The following PARD3 variants were observed in gnomAD, a reference collection of about 807,000 sequenced individuals.
The protein encoded by PARD3 is par-3 family cell polarity regulator, also known as partitioning defective 3 homolog.
A neutral mutation model predicts 155.4 loss-of-function variants in PARD3; 75 were observed. The ratio of observed to expected loss-of-function variants is 0.48; its 90% CI spans 0.40 to 0.58. PARD3 has a LOEUF of 0.58. Among genes scored for constraint, PARD3 ranks in the 20% least tolerant of loss-of-function variants. The probability of loss-of-function intolerance (pLI) is 0.00; values close to 1 mark genes in which losing one functional copy is unlikely to be tolerated. For synonymous variants in PARD3, 576 were observed against 610.5 expected (o/e 0.94, Z 0.83); for missense variants, 1,642 against 1,721.7 (o/e 0.95, Z 0.82).
chr10:34,255,934 A>G (rs1375940612), intron 22 of PARD3, among the ~76,000 whole-genome samples: 1 of 152,210 alleles, frequency 6.6e-6, no homozygotes, highest in Non-Finnish European at 1.5e-5. Context: ...TTTGAGGGGA[A>G]CTTAGAATAA....
At chr10:34,562,976 G>A (rs941526777) in intron 2 of PARD3, among the ~76,000 whole-genome samples, 1 of 152,004 alleles carries the variant, frequency 6.6e-6, no homozygotes. Context: ...TACCTTTGTT[G>A]CCTAGACTGG....
chr10:34,565,799 T>G (rs1030147146), intron 2 of PARD3, among the ~76,000 whole-genome samples: 10 of 152,172 alleles, frequency 6.6e-5, no homozygotes, highest in African/African-American at 1.9e-4. Flanking sequence ...CAGGTTATTT[T>G]TGAGGGGAGG....
intron 2 of PARD3, among the ~76,000 whole-genome samples, chr10:34,642,146 G>A (rs1456310255): frequency 6.8e-6 from 1 of 146,506 alleles, no homozygotes; most frequent in Non-Finnish European, 1.5e-5. Flanking sequence ...TGGGATCCCC[G>A]CCCACCCAAG....
chr10:34,355,951 ACAAAACCAAAC>A (rs1428555227), intron 14 of PARD3, among the ~76,000 whole-genome samples: 43 of 127,754 alleles, frequency 3.4e-4, no homozygotes, highest in African/African-American at 1.1e-3. Context: ...AAAAAACAAA[ACAAAACCAAAC>A]AAAAAAACAG....
At chr10:34,257,948 C>T (rs1229266775) in intron 22 of PARD3, among the ~76,000 whole-genome samples, 2 of 152,142 alleles carry the variant, frequency 1.3e-5, no homozygotes, top group Non-Finnish European at 2.9e-5. Flanking sequence ...ATGGTGATTG[C>T]TTGTTTTTAA....
chr10:34,277,163 A>AG (rs1279652637), intron 21 of PARD3, among the ~76,000 whole-genome samples: 3 of 152,188 alleles, frequency 2.0e-5, no homozygotes, highest in African/African-American at 7.2e-5. Flanking sequence ...TCAGTATTAC[A>AG]GAAATTGATC....
chr10:34,487,987 A>G (rs1345940825), intron 3 of PARD3, among the ~76,000 whole-genome samples: 1 of 152,212 alleles, frequency 6.6e-6, no homozygotes, highest in Admixed American at 6.5e-5. Context: ...GTAACTGTCA[A>G]GCATTATTCC....
intron 2 of PARD3, among the ~76,000 whole-genome samples, chr10:34,660,795 C>A (rs2093304780): frequency 6.6e-6 from 1 of 152,062 alleles, no homozygotes; most frequent in African/African-American, 2.4e-5. Context: ...AGCAAGAATG[C>A]AAGGAACTAA....
At chr10:34,413,447 CT>C (rs11284199) in intron 5 of PARD3, among the ~76,000 whole-genome samples, 85,156 of 144,070 alleles carry the variant, frequency 0.59, 26,841 homozygotes, top group African/African-American at 0.85. Flanking sequence ...CCAGCTCTAC[CT>C]TTTTTTTTTT....
At chr10:34,781,719 T>C (rs189871447) in intron 1 of PARD3, among the ~76,000 whole-genome samples, 65 of 152,328 alleles carry the variant, frequency 4.3e-4, no homozygotes, top group African/African-American at 1.3e-3. Context: ...TTTCCAACTG[T>C]AACATGCTCA....
At chr10:34,452,362 T>A (rs149211291) in intron 4 of PARD3, among the ~76,000 whole-genome samples, 1 of 152,166 alleles carries the variant, frequency 6.6e-6, no homozygotes, top group Non-Finnish European at 1.5e-5. Context: ...ATAGAACTAA[T>A]AACAGAATTA....
intron 5 of PARD3, among the ~76,000 whole-genome samples, chr10:34,426,271 A>G (rs2075599449): frequency 6.6e-6 from 1 of 152,208 alleles, no homozygotes; most frequent in African/African-American, 2.4e-5. Context: ...ATGAACACTG[A>G]TATTTAGCAC....
intron 7 of PARD3, among the ~76,000 whole-genome samples, chr10:34,395,157 C>G (rs961078204): frequency 1.3e-5 from 2 of 152,132 alleles, no homozygotes; most frequent in African/African-American, 4.8e-5. Context: ...GCCTCCGCCT[C>G]CCATGTAGCT....
At chr10:34,288,959 G>A (rs888418872) in intron 20 of PARD3, among the ~76,000 whole-genome samples, 3 of 152,046 alleles carry the variant, frequency 2.0e-5, no homozygotes, top group African/African-American at 7.2e-5. Context: ...TATTAAAATA[G>A]AAGAACGACC....
chr10:34,592,079 C>A (rs78140972), intron 2 of PARD3, among the ~76,000 whole-genome samples: 1 of 151,590 alleles, frequency 6.6e-6, no homozygotes, highest in Non-Finnish European at 1.5e-5. Context: ...TCAGTCCTGA[C>A]ACAGACCCAA....
At chr10:34,592,294 C>T (rs1173212337) in intron 2 of PARD3, among the ~76,000 whole-genome samples, 1 of 152,214 alleles carries the variant, frequency 6.6e-6, no homozygotes, top group South Asian at 2.1e-4. Context: ...AACCTCCCTA[C>T]TTTAAATCAC....
At chr10:34,677,720 T>A (rs2133303443) in intron 2 of PARD3, among the ~76,000 whole-genome samples, 1 of 152,270 alleles carries the variant, frequency 6.6e-6, no homozygotes. Context: ...ACCACTCTTC[T>A]CCGGGCAGGG....
At chr10:34,183,408 T>C (rs796284893) in intron 22 of PARD3, among the ~76,000 whole-genome samples, 13 of 152,240 alleles carry the variant, frequency 8.5e-5, no homozygotes, top group African/African-American at 2.6e-4. Flanking sequence ...TTGATAAGGG[T>C]TTTTCGTTTA....
chr10:34,304,849 T>C (rs896690952), intron 20 of PARD3, among the ~76,000 whole-genome samples: 3 of 152,206 alleles, frequency 2.0e-5, no homozygotes, highest in Non-Finnish European at 2.9e-5. Context: ...CTAGCCACAG[T>C]ATTGGCTACA....
Sources: gnomAD v4.1 joint callset for allele counts (sites outside exome capture counted in the v4.1 genomes callset) on GRCh38, gnomAD v4.1.1 for gene constraint, MANE v1.5 for transcripts, NCBI Gene and HGNC (gene_info 2026-07-23, HGNC 2026-07-21) for gene names.